The following CSMD1 variants were observed in gnomAD, a reference collection of about 807,000 sequenced individuals.
CSMD1 encodes the protein CUB and Sushi multiple domains 1.
CSMD1 carries 213 observed loss-of-function variants against 417.5 expected under a neutral mutation model. That is an observed-to-expected ratio of 0.51 (90% CI 0.46 to 0.57). The LOEUF (loss-of-function observed/expected upper bound fraction) is 0.57, where lower values mean the gene tolerates loss of function less well. Ranked by LOEUF, CSMD1 falls within the 20% of genes least tolerant of loss-of-function variation. CSMD1 has a pLI of 0.00. For synonymous variants in CSMD1, 2,862 were observed against 1,736.8 expected (o/e 1.65, Z -16.11); for missense variants, 6,923 against 4,529.7 (o/e 1.53, Z -15.17).
intron 23 of CSMD1, among the ~76,000 whole-genome samples, chr8:3,324,485 A>G (rs1204590171): frequency 1.4e-5 from 2 of 142,744 alleles, no homozygotes; most frequent in Non-Finnish European, 3.1e-5. Flanking sequence ...CTTCACTGTT[A>G]AAATAGACAC....
At chr8:4,387,961 A>C (rs1460639023) in intron 3 of CSMD1, among the ~76,000 whole-genome samples, 1 of 152,160 alleles carries the variant, frequency 6.6e-6, no homozygotes, top group Non-Finnish European at 1.5e-5. Context: ...TGGTAATTTA[A>C]AATTTTACTC....
chr8:4,068,441 G>C (rs751453530), intron 3 of CSMD1, among the ~76,000 whole-genome samples: 2 of 152,136 alleles, frequency 1.3e-5, no homozygotes, highest in African/African-American at 4.8e-5. Flanking sequence ...AAAATTAAAT[G>C]TATATTTTTA....
At chr8:4,682,464 T>G (rs1806112229) in intron 1 of CSMD1, among the ~76,000 whole-genome samples, 1 of 152,148 alleles carries the variant, frequency 6.6e-6, no homozygotes, top group East Asian at 1.9e-4. Flanking sequence ...AGGAATAATA[T>G]TTCTATATGA....
chr8:4,309,303 C>G (rs1048259327), intron 3 of CSMD1, among the ~76,000 whole-genome samples: 2 of 151,916 alleles, frequency 1.3e-5, no homozygotes, highest in African/African-American at 2.4e-5. Context: ...ATTGCACTGT[C>G]TATTTAGCAT....
chr8:4,531,452 T>C (rs532051685), intron 2 of CSMD1, among the ~76,000 whole-genome samples: 6 of 152,326 alleles, frequency 3.9e-5, no homozygotes, highest in South Asian at 4.1e-4. Flanking sequence ...ATTTGGTTAC[T>C]GACAATATCT....
intron 3 of CSMD1, among the ~76,000 whole-genome samples, chr8:4,073,421 G>C (rs1452212933): frequency 2.0e-5 from 3 of 152,146 alleles, no homozygotes; most frequent in Non-Finnish European, 4.4e-5. Context: ...GGGAAATTTT[G>C]GGAGCTATTT....
At chr8:4,193,541 C>G (rs530207700) in intron 3 of CSMD1, among the ~76,000 whole-genome samples, 1 of 152,026 alleles carries the variant, frequency 6.6e-6, no homozygotes, top group East Asian at 1.9e-4. Context: ...CTGAAGAGGT[C>G]TGAGTCACAA....
chr8:4,137,974 T>A (rs1242687247), intron 3 of CSMD1, among the ~76,000 whole-genome samples: 1 of 150,048 alleles, frequency 6.7e-6, no homozygotes, highest in Non-Finnish European at 1.5e-5. Context: ...ATCTCCTCGG[T>A]TCACGCCATT....
At chr8:4,370,173 A>G (rs1432541316) in intron 3 of CSMD1, among the ~76,000 whole-genome samples, 3 of 152,094 alleles carry the variant, frequency 2.0e-5, no homozygotes, top group African/African-American at 7.2e-5. Context: ...GCTTTCCTGA[A>G]AAGAATTTCA....
At chr8:4,434,981 C>G (rs902889824) in intron 2 of CSMD1, among the ~76,000 whole-genome samples, 3 of 152,134 alleles carry the variant, frequency 2.0e-5, no homozygotes, top group South Asian at 2.1e-4. Flanking sequence ...TGTAATCTAA[C>G]TCATATTTTG....
chr8:3,924,516 C>T (rs1268228171), intron 5 of CSMD1, among the ~76,000 whole-genome samples: 1 of 152,108 alleles, frequency 6.6e-6, no homozygotes, highest in Non-Finnish European at 1.5e-5. Flanking sequence ...TTGATGGTTT[C>T]CCAGAAGCTC....
chr8:3,838,477 T>C (rs1228218763), intron 5 of CSMD1, among the ~76,000 whole-genome samples: 3 of 141,458 alleles, frequency 2.1e-5, no homozygotes, highest in African/African-American at 2.6e-5. Context: ...TTATATTATA[T>C]ATAGCCTATA....
At position 3,478,550 on chromosome 8, in the gene CSMD1, C is replaced by G. The variant is rs142427273; in HGVS notation, c.1449-9726G>C. Among the ~76,000 whole-genome samples, 968 of 152,222 alleles carry G rather than the reference C, an allele frequency of 6.4e-3. 13 individuals carry two copies. Among genetic ancestry groups the G allele is most frequent in the African/African-American group, 0.023 (937 of 41,534 alleles). On this transcript the variant is annotated intron_variant, in intron 11 of 69. Transcript: ENST00000635120. ...GACAAGCTGGCCTGGGACCGAAGAC[C>G]AGAGAAACAGCAGAGCATGGGGTGA...
intron 2 of CSMD1, among the ~76,000 whole-genome samples, chr8:4,634,601 C>A (rs1304600920): frequency 6.6e-6 from 1 of 152,142 alleles, no homozygotes; most frequent in African/African-American, 2.4e-5. Flanking sequence ...AATCCTCCCA[C>A]AAAAGAATCC....
chr8:4,003,921 T>C (rs1178944469), intron 4 of CSMD1, among the ~76,000 whole-genome samples: 1 of 142,414 alleles, frequency 7.0e-6, no homozygotes, highest in African/African-American at 2.6e-5. Flanking sequence ...AGAGAAATGT[T>C]TTTCATTTTT....
chr8:3,796,272 T>TATCTATCATGTATAGATATAG (rs1800114921), intron 5 of CSMD1, among the ~76,000 whole-genome samples: 1 of 31,882 alleles, frequency 3.1e-5, no homozygotes, highest in South Asian at 9.3e-4. Flanking sequence ...GATATAGATA[T>TATCTATCATGTATAGATATAG]ATATCTATCA....
chr8:3,017,745 G>T (rs1415957394), intron 52 of CSMD1, among the ~76,000 whole-genome samples: 1 of 139,740 alleles, frequency 7.2e-6, no homozygotes, highest in African/African-American at 2.6e-5. Context: ...TTCCTGAAGT[G>T]ATCTTTGCCC....
chr8:4,410,591 G>A (rs1466187608), intron 3 of CSMD1, among the ~76,000 whole-genome samples: 2 of 151,796 alleles, frequency 1.3e-5, no homozygotes, highest in African/African-American at 4.8e-5. Context: ...ACCAATTTTT[G>A]TTTTTCATTT....
chr8:4,680,456 T>C (rs1449031494), intron 1 of CSMD1, among the ~76,000 whole-genome samples: 1 of 152,212 alleles, frequency 6.6e-6, no homozygotes, highest in Non-Finnish European at 1.5e-5. Context: ...GTTCTCATCA[T>C]CGTACCTTCA....
Sources: allele counts gnomAD v4.1 joint callset (sites outside exome capture counted in the v4.1 genomes callset), GRCh38; gene constraint gnomAD v4.1.1; transcripts MANE v1.5; gene names NCBI Gene and HGNC (gene_info 2026-07-23, HGNC 2026-07-21).